Variants in NFIA observed in about 807,000 individuals in gnomAD.
NFIA encodes the protein nuclear factor 1 A-type.
NFIA carries 8 observed loss-of-function variants against 62.8 expected under a neutral mutation model. That is an observed-to-expected ratio of 0.13 (90% CI 0.07 to 0.23). The LOEUF is 0.23. Ranked by LOEUF, NFIA falls within the 10% of genes least tolerant of loss-of-function variation. The pLI, the probability that NFIA is intolerant of heterozygous loss-of-function variation, is 1.00. For synonymous variants in NFIA, 235 were observed against 238.1 expected, an observed-to-expected ratio of 0.99 and a Z score of 0.12; for missense variants, 410 against 642.1, an observed-to-expected ratio of 0.64 and a Z score of 3.91.
At chr1:61,201,013 C>G (rs1652443947) in intron 2 of NFIA, among the ~76,000 whole-genome samples, 1 of 148,080 alleles carries the variant, frequency 6.8e-6, no homozygotes, top group Admixed American at 6.8e-5. Flanking sequence ...TGAAACACAG[C>G]AAAGTGTAAA....
At chr1:61,102,965 C>G (rs1220637226) in intron 2 of NFIA, among the ~76,000 whole-genome samples, 1 of 152,194 alleles carries the variant, frequency 6.6e-6, no homozygotes, top group East Asian at 1.9e-4. Context: ...TGTGGAATGA[C>G]CTGTGCATCT....
chr1:61,179,300 G>A (rs915561469), intron 2 of NFIA, among the ~76,000 whole-genome samples: 1 of 152,218 alleles, frequency 6.6e-6, no homozygotes, highest in African/African-American at 2.4e-5. Flanking sequence ...AGTGAGACAG[G>A]AGAGGAGGCA....
chr1:61,311,091 T>A (rs1369345565), intron 3 of NFIA, among the ~76,000 whole-genome samples: 4 of 152,106 alleles, frequency 2.6e-5, no homozygotes, highest in African/African-American at 9.7e-5. Context: ...AAAGTAATTT[T>A]AAAAAAACAC....
Position 61,328,443 on chromosome 1 carries a change from C to T in NFIA, c.626-4069C>T, listed in dbSNP as rs550724444. On this transcript the variant is annotated intron_variant, in intron 3 of 10. Transcript: ENST00000403491. The stretch of plus-strand genomic sequence containing the variant: ...TTATATATATATATTTTTTTCGAGA[C>T]GGAATTTCGCTCTTATTGCCCAAGC... Among the ~76,000 whole-genome samples, 29 of 150,020 alleles carry T rather than the reference C, an allele frequency of 1.9e-4. No individual in the cohort carries two copies. In the East Asian group the frequency reaches 4.1e-3, roughly 21 times the overall value.
At chr1:61,255,173 A>G (rs1187950439) in intron 2 of NFIA, among the ~76,000 whole-genome samples, 1 of 152,186 alleles carries the variant, frequency 6.6e-6, no homozygotes, top group Non-Finnish European at 1.5e-5. Context: ...AAGAAAAAGC[A>G]CACACAAAAC....
At chr1:61,200,008 A>G (rs574788456) in intron 2 of NFIA, among the ~76,000 whole-genome samples, 140 of 64,982 alleles carry the variant, frequency 2.2e-3, no homozygotes, top group Admixed American at 5.3e-3. Context: ...AAATATATAT[A>G]TGTATATATA....
chr1:61,263,989 T>TAA (rs967219360), intron 2 of NFIA, among the ~76,000 whole-genome samples: 133 of 144,238 alleles, frequency 9.2e-4, no homozygotes, highest in African/African-American at 3.2e-3. Flanking sequence ...GACTCTGACT[T>TAA]AAAAAAAAAA....
Position 61,103,046 on chromosome 1 carries a change from AT to A in NFIA, c.559+14369del, listed in dbSNP as rs1184316941. Among the ~76,000 whole-genome samples the A allele has an allele frequency of 2.6e-5, 4 of 152,320 alleles. No homozygotes were observed. The East Asian group carries it at 7.7e-4, about 29-fold the overall frequency. ...TTGTAATCAAAACAGTAGGTACAAT[AT>A]TTCAATAAGGGTAAGTGTATTTAGA... On this transcript the variant is annotated intron_variant, in intron 2 of 10. Coordinates refer to ENST00000403491, the MANE Select transcript of NFIA (RefSeq NM_001134673.4).
intron 10 of NFIA, among the ~76,000 whole-genome samples, chr1:61,448,711 A>G (rs1275958232): frequency 6.6e-6 from 1 of 152,158 alleles, no homozygotes; most frequent in African/African-American, 2.4e-5. Context: ...ACAGCTCTCT[A>G]GTAGGATCTT....
chr1:61,108,922 A>G (rs1012206676), intron 2 of NFIA, among the ~76,000 whole-genome samples: 1 of 151,818 alleles, frequency 6.6e-6, no homozygotes, highest in Non-Finnish European at 1.5e-5. Context: ...GTCATCTAAA[A>G]TTTCAAAATA....
intron 2 of NFIA, among the ~76,000 whole-genome samples, chr1:61,167,019 T>C (rs1438291504): frequency 6.6e-6 from 1 of 152,128 alleles, no homozygotes; most frequent in Non-Finnish European, 1.5e-5. Context: ...CACACACCTG[T>C]AATCCCAGCT....
At chr1:61,115,103 CTGA>C (rs1646773591) in intron 2 of NFIA, among the ~76,000 whole-genome samples, 1 of 152,286 alleles carries the variant, frequency 6.6e-6, no homozygotes, top group Admixed American at 6.5e-5. Context: ...GCTCAGCTTC[CTGA>C]GTAGCTGGGA....
chr1:61,334,914 A>C (rs1661519322), intron 4 of NFIA, among the ~76,000 whole-genome samples: 1 of 152,022 alleles, frequency 6.6e-6, no homozygotes, highest in Admixed American at 6.6e-5. Context: ...AAAGCTTATC[A>C]GTTCCAAGTT....
At chr1:61,372,654 T>A (rs1266218154) in intron 6 of NFIA, among the ~76,000 whole-genome samples, 1 of 152,124 alleles carries the variant, frequency 6.6e-6, no homozygotes, top group Non-Finnish European at 1.5e-5. Flanking sequence ...TTTACATAAA[T>A]ACAGTTATTT....
chr1:61,264,856 G>A (rs1657059570), intron 2 of NFIA, among the ~76,000 whole-genome samples: 1 of 152,122 alleles, frequency 6.6e-6, no homozygotes, highest in Admixed American at 6.5e-5. Context: ...AATGTAGATA[G>A]TGTACTTAGG....
chr1:61,118,044 G>T (rs187064836), intron 2 of NFIA, among the ~76,000 whole-genome samples: 3 of 152,094 alleles, frequency 2.0e-5, no homozygotes, highest in Non-Finnish European at 4.4e-5. Flanking sequence ...AATGAGCCAG[G>T]CATGGTGGCA....
chr1:61,323,998 A>T lies in NFIA; in HGVS notation c.626-8514A>T, dbSNP rs1236957523. On this transcript the variant is annotated intron_variant, in intron 3 of 10. Transcript: ENST00000403491. ...GCAAGTGCCGTAAGACAAGCAGAGAAGTTCTCCTTAATTGAATAGTGTCTC... is the reference window on the plus strand; with the variant it reads ...GCAAGTGCCGTAAGACAAGCAGAGATGTTCTCCTTAATTGAATAGTGTCTC... 2.6e-5 allele frequency among the ~76,000 whole-genome samples: 4 copies of T among 152,304 alleles called. No individual in the cohort carries two copies. The East Asian group carries it at 7.7e-4, about 29-fold the overall frequency.
At chr1:61,385,192 G>T (rs12566890) in intron 7 of NFIA, among the ~76,000 whole-genome samples, 15,997 of 151,938 alleles carry the variant, frequency 0.11, 1,009 homozygotes, top group East Asian at 0.32. Context: ...AGCCAAGATG[G>T]TGCCACTGCA....
intron 3 of NFIA, among the ~76,000 whole-genome samples, chr1:61,288,331 A>G (rs1658642605): frequency 6.6e-6 from 1 of 152,202 alleles, no homozygotes; most frequent in African/African-American, 2.4e-5. Context: ...TTCATGTGCA[A>G]TATGGAATGA....
Sources: allele counts gnomAD v4.1 joint callset (sites outside exome capture counted in the v4.1 genomes callset), GRCh38; gene constraint gnomAD v4.1.1; transcripts MANE v1.5; gene names NCBI Gene and HGNC (gene_info 2026-07-23, HGNC 2026-07-21).